TPD52L1: variants seen among roughly 807,000 people sequenced by gnomAD.
The protein encoded by TPD52L1 is TPD52 like 1, also known as tumor protein D53.
In TPD52L1, 18 loss-of-function variants were observed where a neutral mutation model predicts 28.7. The observed-to-expected ratio is 0.63, with a 90% CI of 0.43 to 0.93. TPD52L1 has a LOEUF of 0.93. Ranked by LOEUF, TPD52L1 falls within the 40% of genes least tolerant of loss-of-function variation. The probability of loss-of-function intolerance (pLI) is 0.00; values close to 1 mark genes in which losing one functional copy is unlikely to be tolerated. For synonymous variants in TPD52L1, 75 were observed against 88.8 expected (o/e 0.84, Z 0.88); for missense variants, 203 against 254.8 (o/e 0.80, Z 1.39).
At chr6:125,204,453 G>T (rs376585537) in intron 1 of TPD52L1, among the ~76,000 whole-genome samples, 1 of 152,062 alleles carries the variant, frequency 6.6e-6, no homozygotes, top group African/African-American at 2.4e-5. Flanking sequence ...AAGAAGAAAT[G>T]TGCTTCCCTG....
At chr6:125,166,908 C>T (rs1790945047) in intron 1 of TPD52L1, among the ~76,000 whole-genome samples, 1 of 152,040 alleles carries the variant, frequency 6.6e-6, no homozygotes, top group Non-Finnish European at 1.5e-5. Context: ...CTTTTGGGAA[C>T]CTCTGCTTTT....
At chr6:125,196,455 C>A (rs1793447437) in intron 1 of TPD52L1, among the ~76,000 whole-genome samples, 1 of 152,206 alleles carries the variant, frequency 6.6e-6, no homozygotes, top group South Asian at 2.1e-4. Context: ...GCAAAAAAGT[C>A]TAAATAATTA....
chr6:125,200,446 A>G (rs1014122207), intron 1 of TPD52L1, among the ~76,000 whole-genome samples: 5 of 152,236 alleles, frequency 3.3e-5, no homozygotes, highest in Non-Finnish European at 7.3e-5. Flanking sequence ...CTCAGTAGTC[A>G]TTTATCTGCA....
chr6:125,171,986 T>C (rs1791328531), intron 1 of TPD52L1, among the ~76,000 whole-genome samples: 1 of 152,094 alleles, frequency 6.6e-6, no homozygotes, highest in African/African-American at 2.4e-5. Flanking sequence ...GGTGATGGTC[T>C]GTCACGGCCC....
intron 1 of TPD52L1, among the ~76,000 whole-genome samples, chr6:125,206,221 T>C (rs988108326): frequency 4.6e-5 from 7 of 152,296 alleles, no homozygotes; most frequent in Admixed American, 3.9e-4. Context: ...GGACAATAAA[T>C]GTTTAGAGGA....
chr6:125,169,624 C>T (rs1791147321), intron 1 of TPD52L1, among the ~76,000 whole-genome samples: 2 of 152,194 alleles, frequency 1.3e-5, no homozygotes. Flanking sequence ...CAAGATGTAG[C>T]CAGAATGGGA....
chr6:125,185,884 T>C (rs565231370), intron 1 of TPD52L1, among the ~76,000 whole-genome samples: 2 of 142,764 alleles, frequency 1.4e-5, no homozygotes, highest in South Asian at 4.4e-4. Context: ...TATAACTTTT[T>C]GGAAATTTGA....
chr6:125,248,456 G>C (rs1797053989), intron 4 of TPD52L1, 73 bp downstream of exon 4: 1 of 1,047,572 alleles, frequency 9.5e-7, no homozygotes, highest in Non-Finnish European at 1.5e-6. Context: ...CTAGCTATTA[G>C]CTGCTCATCT....
intron 1 of TPD52L1, among the ~76,000 whole-genome samples, chr6:125,178,583 T>G (rs1791967419): frequency 6.6e-6 from 1 of 151,906 alleles, no homozygotes; most frequent in South Asian, 2.1e-4. Context: ...ATCACACCAC[T>G]GCACTCCCGC....
intron 5 of TPD52L1, among the ~76,000 whole-genome samples, chr6:125,255,245 A>T (rs1166049462): frequency 6.6e-6 from 1 of 152,194 alleles, no homozygotes. Context: ...CTTAAAAAAA[A>T]ATTATTTTGC....
At position 125,263,367 on chromosome 6, in the gene TPD52L1, A is replaced by G; in HGVS notation, c.*405A>G. ...CCTTTCAGTTCAGCAGATCAACAGG[A>G]TGGAGCTCTTCATGACTGTCTCCAG... On this transcript the variant is annotated 3_prime_UTR_variant, in exon 7 of 7. Coordinates refer to ENST00000534000, the MANE Select transcript of TPD52L1 (RefSeq NM_003287.4). 1 of 172,392 alleles carries G rather than the reference A, an allele frequency of 5.8e-6. No individual in the cohort carries two copies. The highest frequency in any genetic ancestry group is 1.6e-4 in the East Asian group (1 of 6,166). 10.7% of individuals were successfully genotyped at this position (172,392 alleles called of 1,614,324 possible).
At chr6:125,182,783 G>A (rs192363945) in intron 1 of TPD52L1, among the ~76,000 whole-genome samples, 6 of 152,294 alleles carry the variant, frequency 3.9e-5, no homozygotes, top group Admixed American at 3.3e-4. Context: ...TGTGCAGTAG[G>A]TGATGGCATC....
At position 125,154,192 on chromosome 6, in the gene TPD52L1, G is replaced by A. The variant is rs534077182; in HGVS notation, c.19+222G>A. On this transcript the variant is annotated intron_variant, in intron 1 of 6. Coordinates refer to ENST00000534000, the MANE Select transcript of TPD52L1 (RefSeq NM_003287.4). ...AAGTGACAGGGGATCCGTAAGTGGA[G>A]AGGCCCCTCCTCAGGAAATGCGCCC... 41 of 1,361,170 alleles carry A rather than the reference G, an allele frequency of 3.0e-5. No homozygotes were observed. The South Asian group carries it at 6.5e-4, about 22-fold the overall frequency. The allele number at this position is 1,361,170 out of a possible 1,614,324, so 84.3% of individuals were successfully genotyped here. A position where few individuals can be genotyped will look rare whatever the true frequency, so the allele number is the denominator to read the frequency against.
intron 3 of TPD52L1, among the ~76,000 whole-genome samples, chr6:125,244,987 T>C (rs1562369116): frequency 6.6e-6 from 1 of 152,212 alleles, no homozygotes; most frequent in Non-Finnish European, 1.5e-5. Flanking sequence ...GTGATTGTTA[T>C]TTCTCTTCTT....
chr6:125,202,990 T>A (rs954889876), intron 1 of TPD52L1, among the ~76,000 whole-genome samples: 4 of 152,028 alleles, frequency 2.6e-5, no homozygotes, highest in African/African-American at 2.4e-5. Flanking sequence ...GGTTTCAAAC[T>A]CCTGACCTCA....
At chr6:125,170,340 A>C (rs563869764) in intron 1 of TPD52L1, among the ~76,000 whole-genome samples, 1 of 149,966 alleles carries the variant, frequency 6.7e-6, no homozygotes, top group African/African-American at 2.4e-5. Flanking sequence ...AGTAACACTG[A>C]GGTTAGGAAA....
intron 1 of TPD52L1, among the ~76,000 whole-genome samples, chr6:125,173,676 A>G (rs1791643050): frequency 1.3e-5 from 2 of 152,252 alleles, no homozygotes; most frequent in South Asian, 2.1e-4. Flanking sequence ...ACATACATAT[A>G]TACAAATACA....
At chr6:125,175,298 C>T (rs1419150240) in intron 1 of TPD52L1, among the ~76,000 whole-genome samples, 1 of 151,986 alleles carries the variant, frequency 6.6e-6, no homozygotes, top group Non-Finnish European at 1.5e-5. Flanking sequence ...GCATTATATC[C>T]AACCAAGCAG....
chr6:125,205,919 C>T (rs1486314969), intron 1 of TPD52L1, among the ~76,000 whole-genome samples: 1 of 152,166 alleles, frequency 6.6e-6, no homozygotes, highest in Non-Finnish European at 1.5e-5. Flanking sequence ...TTTTGGACAG[C>T]CACAAATGTT....
Sources: gnomAD v4.1 joint callset for allele counts (sites outside exome capture counted in the v4.1 genomes callset) on GRCh38, gnomAD v4.1.1 for gene constraint, MANE v1.5 for transcripts, NCBI Gene and HGNC (gene_info 2026-07-23, HGNC 2026-07-21) for gene names.